The following CAPN2 variants were observed in gnomAD, a reference collection of about 807,000 sequenced individuals.
CAPN2 encodes the protein calpain 2, also known as calpain-2 catalytic subunit.
In CAPN2, 92 loss-of-function variants were observed where a neutral mutation model predicts 102.3. The ratio of observed to expected loss-of-function variants is 0.90; its 90% CI spans 0.76 to 1.07. CAPN2 has a LOEUF of 1.07. Ranked by LOEUF, CAPN2 falls within the 50% of genes least tolerant of loss-of-function variation. The pLI, the probability that CAPN2 is intolerant of heterozygous loss-of-function variation, is 0.00. For synonymous variants in CAPN2, 340 were observed against 355.4 expected, an observed-to-expected ratio of 0.96 and a Z score of 0.49; for missense variants, 800 against 909.4, an observed-to-expected ratio of 0.88 and a Z score of 1.55.
chr1:223,751,455 A>G (rs1053314173), intron 7 of CAPN2, among the ~76,000 whole-genome samples: 3 of 152,174 alleles, frequency 2.0e-5, no homozygotes, highest in African/African-American at 7.2e-5. Context: ...ACCTCAGCCT[A>G]CTTGCTCTGC....
At chr1:223,748,197 G>A (rs546941932) in intron 5 of CAPN2, among the ~76,000 whole-genome samples, 4 of 152,306 alleles carry the variant, frequency 2.6e-5, no homozygotes, top group African/African-American at 9.6e-5. Context: ...TGCTGGCAAC[G>A]CTCACCAGGG....
rs778675385 is a variant in CAPN2 at position 223,755,507 on chromosome 1, T to G, written c.1163T>G (p.Leu388Arg). 5.0e-6 allele frequency: 8 copies of G among 1,614,016 alleles called. No homozygotes were observed. The East Asian group carries it at 1.3e-4, about 27-fold the overall frequency. ...PNTFWMNPQY[L>R]IKLEEEDEDE... ...ACATTCTGGATGAACCCTCAGTACCTGATCAAGCTGGAGGAGGAGGATGAG... is the reference window on the plus strand; with the variant it reads ...ACATTCTGGATGAACCCTCAGTACCGGATCAAGCTGGAGGAGGAGGATGAG... The change falls in exon 10 of 21, where the codon CTG becomes CGG. Residue 388 changes from leucine to arginine, a missense_variant. Physicochemically the swap from Leu to Arg is moderately radical, Grantham distance 102 (BLOSUM62 -2). Coordinates refer to ENST00000295006, the MANE Select transcript of CAPN2 (RefSeq NM_001748.5). The surrounding 1 kb of genome is among the most constrained non-coding windows in gnomAD (Gnocchi z 4.1).
At chr1:223,749,652 G>T (rs1046217022) in intron 6 of CAPN2, among the ~76,000 whole-genome samples, 3 of 152,196 alleles carry the variant, frequency 2.0e-5, no homozygotes, top group African/African-American at 7.2e-5. Flanking sequence ...TATGTAAAGT[G>T]CTCAGAGGTG....
chr1:223,723,365 G>A (rs1206805037), intron 2 of CAPN2, among the ~76,000 whole-genome samples: 2 of 152,148 alleles, frequency 1.3e-5, no homozygotes, highest in Non-Finnish European at 2.9e-5. Context: ...TAGTTAAAAT[G>A]TTTAAAGACT....
intron 17 of CAPN2, 161 bp downstream of exon 17, chr1:223,770,070 G>A: frequency 2.9e-6 from 2 of 681,096 alleles, no homozygotes; most frequent in South Asian, 1.9e-5. Context: ...CTGAGGAAAT[G>A]CAAACAAAAA....
upstream of CAPN2, among the ~76,000 whole-genome samples, chr1:223,707,645 G>A (rs1558376965): frequency 6.6e-6 from 1 of 152,236 alleles, no homozygotes; most frequent in Non-Finnish European, 1.5e-5. Context: ...AAAGCCCTTT[G>A]TAAGCAGAGC....
In CAPN2 at chr1:223,750,938, TGG is replaced by T. The variant is rs1330888266; in HGVS notation, c.865_866del (p.Gly289ArgfsTer10). On this transcript the variant is annotated frameshift_variant, in exon 7 of 21. Coordinates refer to ENST00000295006, the MANE Select transcript of CAPN2 (RefSeq NM_001748.5). LOFTEE classifies it high-confidence loss of function. ...LQKLIRIRNP[W>X]GEVEWTGRWN... is the part of the protein sequence containing the mutation. The stretch of plus-strand genomic sequence containing the variant: ...GAAACTGATCCGCATCCGAAATCCC[TGG>T]GGAGAAGTGGAGTGGACAGGGCGGT... 1.9e-6 allele frequency: 3 copies of T among 1,552,388 alleles called. No homozygotes were observed. The highest frequency in any genetic ancestry group is 2.7e-5 in the African/African-American group (2 of 73,094).
intron 3 of CAPN2, among the ~76,000 whole-genome samples, chr1:223,744,506 G>A (rs1196676288): frequency 2.0e-5 from 3 of 152,060 alleles, no homozygotes; most frequent in Non-Finnish European, 2.9e-5. Flanking sequence ...TGTATTATTT[G>A]ATGTTTGAGA....
At chr1:223,751,217 G>A (rs1660883024) in intron 7 of CAPN2, among the ~76,000 whole-genome samples, 1 of 152,112 alleles carries the variant, frequency 6.6e-6, no homozygotes, top group Non-Finnish European at 1.5e-5. Context: ...GTTCATTCCT[G>A]CCACTGCCTC....
At chr1:223,713,070 C>T (rs1284449140) in intron 1 of CAPN2, among the ~76,000 whole-genome samples, 193 bp downstream of exon 1, 7 of 152,186 alleles carry the variant, frequency 4.6e-5, no homozygotes, top group Admixed American at 3.9e-4. Flanking sequence ...GGGGGACTCC[C>T]GGGGCCTTCC....
intron 7 of CAPN2, among the ~76,000 whole-genome samples, chr1:223,751,402 C>A (rs1660894026): frequency 6.6e-6 from 1 of 152,226 alleles, no homozygotes; most frequent in Admixed American, 6.5e-5. Flanking sequence ...GTTGAACCCT[C>A]AACTATTTGG....
At chr1:223,714,850 A>G (rs1258477468) in intron 1 of CAPN2, among the ~76,000 whole-genome samples, 1 of 152,222 alleles carries the variant, frequency 6.6e-6, no homozygotes, top group Non-Finnish European at 1.5e-5. Context: ...CAGGTCCCCC[A>G]ACAGTTGGAA....
chr1:223,713,496 C>A (rs936351073), intron 1 of CAPN2, among the ~76,000 whole-genome samples: 1 of 121,940 alleles, frequency 8.2e-6, no homozygotes, highest in African/African-American at 4.1e-5. Flanking sequence ...GGGAATCACC[C>A]GGGAAACCTC....
intron 15 of CAPN2, among the ~76,000 whole-genome samples, 184 bp downstream of exon 15, chr1:223,764,391 C>T (rs1180383960): frequency 6.6e-6 from 1 of 152,182 alleles, no homozygotes; most frequent in Non-Finnish European, 1.5e-5. Context: ...GTAGCATCCA[C>T]AGATCAAAGA....
rs2102812602 is a variant in CAPN2, at chr1:223,764,122, T to C, written c.1633-28T>C. 5.6e-6 allele frequency: 9 copies of C among 1,605,152 alleles called. No homozygotes were observed. In the East Asian group the frequency reaches 2.0e-4, roughly 36 times the overall value. ...TCATCCAGCTCCCACGGGGGGCCAA[T>C]AACTATGCTCTGGTTATGTGTCCAC... On this transcript the variant is annotated intron_variant, in intron 14 of 20. Coordinates refer to ENST00000295006, the MANE Select transcript of CAPN2 (RefSeq NM_001748.5).
At chr1:223,762,450 C>T (rs1286404755) in intron 14 of CAPN2, among the ~76,000 whole-genome samples, 199 bp downstream of exon 14, 1 of 152,202 alleles carries the variant, frequency 6.6e-6, no homozygotes, top group Admixed American at 6.5e-5. Flanking sequence ...CTGCCGGGGG[C>T]TTCCATTTGC....
intron 2 of CAPN2, among the ~76,000 whole-genome samples, chr1:223,743,303 C>A (rs1040566839): frequency 1.3e-5 from 2 of 152,150 alleles, no homozygotes; most frequent in Non-Finnish European, 2.9e-5. Context: ...TCGGGACAGT[C>A]CAGCCTTCTG....
rs905792279 is a variant in CAPN2 at position 223,717,778 on chromosome 1, C to G, written c.254C>G (p.Pro85Arg). The G allele has an allele frequency of 2.5e-6, 4 of 1,613,998 alleles. No individual in the cohort carries two copies. The African/African-American group carries it at 5.3e-5, about 22-fold the overall frequency. ...WKRPTEICAD[P>R]QFIIGGATRT... Reference sequence around the variant, plus strand: ...CGTTCCCAGGAGATCTGCGCTGACCCCCAGTTTATCATTGGAGGAGCCACC... The same window carrying G: ...CGTTCCCAGGAGATCTGCGCTGACCGCCAGTTTATCATTGGAGGAGCCACC... The change falls in exon 2 of 21, where the codon CCC (proline) becomes CGC (arginine). Residue 85 changes from proline (P) to arginine (R), a missense_variant. By Grantham distance (103) the Pro-to-Arg change is moderately radical (BLOSUM62 -2). Coordinates refer to ENST00000295006, the MANE Select transcript of CAPN2 (RefSeq NM_001748.5).
chr1:223,774,608 C>G (rs1661564743), intron 20 of CAPN2, among the ~76,000 whole-genome samples: 1 of 152,116 alleles, frequency 6.6e-6, no homozygotes, highest in African/African-American at 2.4e-5. Context: ...TGCAATCAAC[C>G]CTGTAATATG....
Sources: allele counts gnomAD v4.1 joint callset (sites outside exome capture counted in the v4.1 genomes callset), GRCh38; gene constraint gnomAD v4.1.1; non-coding constraint Gnocchi (gnomAD v3.1); transcripts MANE v1.5; gene names NCBI Gene and HGNC (gene_info 2026-07-23, HGNC 2026-07-21).